Variants in EBF1 observed in about 807,000 individuals in gnomAD.
The protein encoded by EBF1 is transcription factor COE1.
In EBF1, 10 loss-of-function variants were observed where a neutral mutation model predicts 68.4. The ratio of observed to expected loss-of-function variants is 0.15; its 90% CI spans 0.09 to 0.25. EBF1 has a LOEUF of 0.25. Among genes scored for constraint, EBF1 ranks in the 10% least tolerant of loss-of-function variants. The pLI, the probability that EBF1 is intolerant of heterozygous loss-of-function variation, is 1.00. For missense variants in EBF1, 509 were observed against 794.4 expected (o/e 0.64, Z 4.32); for synonymous variants, 298 against 299.8 (o/e 0.99, Z 0.06).
In EBF1 at chr5:158,709,116, C is replaced by T. The variant is rs115875747; in HGVS notation, c.1550-943G>A. On this transcript the variant is annotated intron_variant, in intron 14 of 15. Coordinates refer to ENST00000313708, the MANE Select transcript of EBF1 (RefSeq NM_024007.5). Reference sequence around the variant, plus strand: ...CTTTAGGAGACAGAGATTTCACATACGCTAAGTCAAGACTAATATTTTCAT... The same window carrying T: ...CTTTAGGAGACAGAGATTTCACATATGCTAAGTCAAGACTAATATTTTCAT... Among the ~76,000 whole-genome samples the T allele has an allele frequency of 4.0e-3, 609 of 152,270 alleles. 1 individual carries two copies. The highest frequency in any genetic ancestry group is 0.014 in the African/African-American group (568 of 41,548).
chr5:159,095,887 T>A (rs1461141155), intron 3 of EBF1, among the ~76,000 whole-genome samples: 4 of 152,242 alleles, frequency 2.6e-5, no homozygotes, highest in African/African-American at 7.2e-5. Context: ...TGGCCTTGCC[T>A]TAGCGCTCCT....
chr5:158,906,307 A>AG (rs1159059561), intron 6 of EBF1, among the ~76,000 whole-genome samples: 1 of 151,678 alleles, frequency 6.6e-6, no homozygotes, highest in Non-Finnish European at 1.5e-5. Context: ...CAATGCAGAA[A>AG]AAAAAAAAAA....
At chr5:158,841,622 T>C (rs1231333460) in intron 6 of EBF1, among the ~76,000 whole-genome samples, 2 of 152,218 alleles carry the variant, frequency 1.3e-5, no homozygotes, top group Admixed American at 1.3e-4. Flanking sequence ...TGCCTCAGTC[T>C]GAATTTGGCT....
intron 6 of EBF1, among the ~76,000 whole-genome samples, chr5:158,982,048 T>C (rs1758006067): frequency 6.6e-6 from 1 of 152,150 alleles, no homozygotes; most frequent in Non-Finnish European, 1.5e-5. Context: ...ACTATGTGCT[T>C]AAAATGGGAT....
chr5:158,720,992 A>G (rs949723956), intron 11 of EBF1, among the ~76,000 whole-genome samples: 2 of 152,210 alleles, frequency 1.3e-5, no homozygotes, highest in Non-Finnish European at 2.9e-5. Context: ...GAGTCTTTTT[A>G]AAAACTGAAA....
In EBF1 at chr5:158,698,853, T is replaced by C. The variant is rs141630819; in HGVS notation, c.*258A>G. ...AAAAAAGAAAAAGAAAAAGTGGATT[T>C]GCTTTTGTCAATACAGAATAAATAT... On this transcript the variant is annotated 3_prime_UTR_variant, in exon 16 of 16. Coordinates refer to ENST00000313708, the MANE Select transcript of EBF1 (RefSeq NM_024007.5). The C allele has an allele frequency of 9.2e-5, 34 of 369,836 alleles. No homozygotes were observed. Among genetic ancestry groups the C allele is most frequent in the African/African-American group, 6.5e-4 (31 of 47,968 alleles). 22.9% of individuals were successfully genotyped at this position (369,836 alleles called of 1,614,324 possible).
intron 8 of EBF1, among the ~76,000 whole-genome samples, chr5:158,799,147 A>C (rs1306681835): frequency 1.3e-5 from 2 of 152,150 alleles, no homozygotes; most frequent in African/African-American, 4.8e-5. Context: ...TGGAGGTCAA[A>C]CTGGGTATAG....
intron 6 of EBF1, among the ~76,000 whole-genome samples, chr5:159,012,805 A>G (rs1373027838): frequency 6.6e-6 from 1 of 152,166 alleles, no homozygotes; most frequent in East Asian, 1.9e-4. Flanking sequence ...AGCCTTGGAG[A>G]CAGGGTCTTT....
chr5:159,020,610 T>A (rs912910014), intron 6 of EBF1, among the ~76,000 whole-genome samples: 1 of 152,228 alleles, frequency 6.6e-6, no homozygotes, highest in African/African-American at 2.4e-5. Flanking sequence ...ACCTACTTTG[T>A]CTCTTCTTTA....
chr5:159,057,350 AC>A (rs1232391594), intron 6 of EBF1, among the ~76,000 whole-genome samples: 1 of 151,914 alleles, frequency 6.6e-6, no homozygotes, highest in African/African-American at 2.4e-5. Flanking sequence ...CAGGTGATCC[AC>A]CTGCCTCAGC....
intron 10 of EBF1, among the ~76,000 whole-genome samples, chr5:158,754,301 G>A (rs568290920): frequency 1.3e-5 from 2 of 152,140 alleles, no homozygotes; most frequent in South Asian, 4.2e-4. Flanking sequence ...TTTGGTGTTG[G>A]TGAAAGGCCA....
intron 10 of EBF1, among the ~76,000 whole-genome samples, chr5:158,767,442 G>A (rs922881203): frequency 2.0e-5 from 3 of 152,142 alleles, no homozygotes; most frequent in African/African-American, 7.2e-5. Flanking sequence ...AAATTAACAA[G>A]GTAAAGTAGC....
intron 6 of EBF1, among the ~76,000 whole-genome samples, chr5:159,017,453 G>A (rs973732997): frequency 1.7e-4 from 26 of 152,190 alleles, no homozygotes; most frequent in Admixed American, 1.5e-3. Flanking sequence ...CTTCCCATTA[G>A]AAGGCACACT....
At chr5:159,027,799 A>T (rs1468791968) in intron 6 of EBF1, among the ~76,000 whole-genome samples, 1 of 152,140 alleles carries the variant, frequency 6.6e-6, no homozygotes, top group African/African-American at 2.4e-5. Flanking sequence ...GCCTTCCAAC[A>T]ACTGTCACTC....
At chr5:158,738,033 T>C in intron 10 of EBF1, among the ~76,000 whole-genome samples, 1 of 152,276 alleles carries the variant, frequency 6.6e-6, no homozygotes, top group Admixed American at 6.5e-5. Context: ...AATTATTATA[T>C]AAAAAATAGT....
chr5:158,812,137 T>C (rs866507274), intron 8 of EBF1, among the ~76,000 whole-genome samples: 1 of 152,220 alleles, frequency 6.6e-6, no homozygotes. Flanking sequence ...TTATCACCTC[T>C]GTAGCCCTAT....
In EBF1 at chr5:158,969,900, GAAAGAAAGAAAGAAAGAAA is replaced by G. The variant is rs1561663278; in HGVS notation, c.554+103477_554+103495del. 3.1e-3 allele frequency among the ~76,000 whole-genome samples: 331 copies of G among 107,214 alleles called. 5 individuals carry two copies. Among genetic ancestry groups the G allele is most frequent in the Middle Eastern group, 0.013 (3 of 224 alleles). The allele number at this position is 107,214 out of a possible 152,430, so 70.3% of individuals were successfully genotyped here. A position where few individuals can be genotyped will look rare whatever the true frequency, so the allele number is the denominator to read the frequency against. ...AGAAAGAAAGAAAGAAAGAAAGAAAGAAAGAAAGAAAGAAAGAAAAAAAAAAAAAAGGCTGCTGGAAGTT... is the reference window on the plus strand; with the variant it reads ...AGAAAGAAAGAAAGAAAGAAAGAAAGAAAAAAAAAAAGGCTGCTGGAAGTT... On this transcript the variant is annotated intron_variant, in intron 6 of 15. Coordinates refer to ENST00000313708, the MANE Select transcript of EBF1 (RefSeq NM_024007.5).
At chr5:159,040,269 G>A (rs569276001) in intron 6 of EBF1, among the ~76,000 whole-genome samples, 4 of 152,236 alleles carry the variant, frequency 2.6e-5, no homozygotes, top group Admixed American at 6.5e-5. Context: ...AAGAGGAAGC[G>A]CTTAAATATT....
At position 159,045,749 on chromosome 5, in the gene EBF1, A is replaced by G. The variant is rs147796818; in HGVS notation, c.554+27647T>C. Among the ~76,000 whole-genome samples the G allele has an allele frequency of 4.3e-3, 656 of 152,302 alleles. 6 individuals are homozygous for G. The highest frequency in any genetic ancestry group is 0.015 in the African/African-American group (626 of 41,568). ...AATCAAATTGTGCATCCTAAAATCC[A>G]ATTTCTATTGAAACTGCAGGAGCTT... is the stretch of plus-strand genomic sequence containing the variant. On this transcript the variant is annotated intron_variant, in intron 6 of 15. Transcript: ENST00000313708.
Sources: allele counts gnomAD v4.1 joint callset (sites outside exome capture counted in the v4.1 genomes callset), GRCh38; gene constraint gnomAD v4.1.1; transcripts MANE v1.5; gene names NCBI Gene and HGNC (gene_info 2026-07-23, HGNC 2026-07-21).